Variants in MMP8 observed in about 807,000 individuals in gnomAD.
MMP8 encodes the protein matrix metallopeptidase 8, also known as neutrophil collagenase.
In MMP8, 67 loss-of-function variants were observed where a neutral mutation model predicts 51.2. The ratio of observed to expected loss-of-function variants is 1.31; its 90% CI spans 1.08 to 1.60. The LOEUF is 1.60. MMP8 is among the 40% of genes most tolerant of loss of function. MMP8 has a pLI of 0.00. For missense variants in MMP8, 654 were observed against 558.1 expected, an observed-to-expected ratio of 1.17 and a Z score of -1.73; for synonymous variants, 225 against 191.0, an observed-to-expected ratio of 1.18 and a Z score of -1.47.
intron 7 of MMP8, 86 bp downstream of exon 7, chr11:102,715,218 A>C (rs1166873739): frequency 1.4e-6 from 2 of 1,480,136 alleles, no homozygotes; most frequent in African/African-American, 2.8e-5. Context: ...TCATTAGCTC[A>C]CCATGAACCT....
At chr11:102,713,715 A>G in intron 9 of MMP8, 39 bp downstream of exon 9, 1 of 1,514,834 alleles carries the variant, frequency 6.6e-7, no homozygotes. Flanking sequence ...TAATAAACAA[A>G]CAAACAACAC....
At chr11:102,719,867 G>T (rs1200678248) in intron 4 of MMP8, among the ~76,000 whole-genome samples, 1 of 152,206 alleles carries the variant, frequency 6.6e-6, no homozygotes, top group African/African-American at 2.4e-5. Flanking sequence ...CAGAGAAGGA[G>T]ATACAAAAGC....
At position 102,718,397 on chromosome 11, in the gene MMP8, T is replaced by C; in HGVS notation, c.784+17A>G. 1 of 1,602,894 alleles carries C rather than the reference T, an allele frequency of 6.2e-7. No homozygotes were observed. Among genetic ancestry groups the C allele is most frequent in the East Asian group, 2.2e-5 (1 of 44,550 alleles). On this transcript the variant is annotated intron_variant, in intron 5 of 9. Transcript: ENST00000236826. ...CAGGTCCTACCATGTACTATGACTCTCTTGAGAAGACCTTACCATAGATGG... is the reference window on the plus strand; with the variant it reads ...CAGGTCCTACCATGTACTATGACTCCCTTGAGAAGACCTTACCATAGATGG...
In MMP8 at chr11:102,713,394, G is replaced by T; in HGVS notation, c.1358C>A (p.Thr453Asn). 3 of 1,613,620 alleles carry T rather than the reference G, an allele frequency of 1.9e-6. No homozygotes were observed. Among genetic ancestry groups the T allele is most frequent in the Non-Finnish European group, 2.5e-6 (3 of 1,179,684 alleles). The change falls in exon 10 of 10, where the codon ACC (threonine) becomes AAC (asparagine). Residue 453 changes from threonine to asparagine, a missense_variant. By Grantham distance (65) the Thr-to-Asn change is moderately conservative. Transcript: ENST00000236826. Reference sequence around the variant, plus strand: ...CCATTTATTGCCTCTTGCAACTCTGGTAACTCTCTGAGCAATAAGATCAAA... The same window carrying T: ...CCATTTATTGCCTCTTGCAACTCTGTTAACTCTCTGAGCAATAAGATCAAA... ...YAFDLIAQRV[T>N]RVARGNKWLN...
At chr11:102,720,087 G>T (rs1006941695) in intron 4 of MMP8, among the ~76,000 whole-genome samples, 1 of 152,206 alleles carries the variant, frequency 6.6e-6, no homozygotes, top group Non-Finnish European at 1.5e-5. Flanking sequence ...AATGTACAAT[G>T]TGGGTGTTAG....
intron 8 of MMP8, 146 bp from the exon 9 acceptor site, chr11:102,714,003 T>C: frequency 1.8e-6 from 1 of 540,698 alleles, no homozygotes; most frequent in Non-Finnish European, 3.2e-6. Flanking sequence ...GGATTAAGAA[T>C]GGTTAATTTC....
Position 102,721,618 on chromosome 11 carries a change from T to C in MMP8, c.492A>G (p.Gln164=), listed in dbSNP as rs763567522. 29 of 1,613,656 alleles carry C rather than the reference T, an allele frequency of 1.8e-5. No individual in the cohort carries two copies. Among genetic ancestry groups the C allele is most frequent in the Middle Eastern group, 1.6e-4 (1 of 6,082 alleles). Residue 164 remains glutamine (Q), a synonymous_variant, in exon 3 of 10, where the codon CAA becomes CAG. Coordinates refer to ENST00000236826, the MANE Select transcript of MMP8 (RefSeq NM_002424.3). ...GEADINIAFY[Q]RDHGDNSPFD... is the part of the protein sequence containing the mutation. ...GCATGACTGCTTTGTACCTACCTCT[T>C]TGGTAAAAAGCAATGTTGATATCTG...
intron 4 of MMP8, 52 bp downstream of exon 4, chr11:102,721,349 T>C: frequency 6.3e-7 from 1 of 1,599,086 alleles, no homozygotes; most frequent in South Asian, 1.1e-5. Flanking sequence ...TATTCTAATC[T>C]GTAAAAGGTT....
At chr11:102,720,688 C>T (rs977588588) in intron 4 of MMP8, among the ~76,000 whole-genome samples, 2 of 152,174 alleles carry the variant, frequency 1.3e-5, no homozygotes, top group South Asian at 2.1e-4. Flanking sequence ...GGAGCCTTCT[C>T]CTGAAAGGAG....
At chr11:102,721,859 G>T in intron 2 of MMP8, 97 bp from the exon 3 acceptor site, 1 of 1,394,814 alleles carries the variant, frequency 7.2e-7, no homozygotes, top group Non-Finnish European at 9.8e-7. Context: ...TTGCATCATG[G>T]TGTGCTACCA....
intron 4 of MMP8, among the ~76,000 whole-genome samples, chr11:102,720,549 T>C (rs1034611114): frequency 6.6e-6 from 1 of 152,180 alleles, no homozygotes; most frequent in Non-Finnish European, 1.5e-5. Context: ...AAAAGGTGCC[T>C]TTCTGATTAT....
Position 102,712,182 on chromosome 11 carries a change from G to C in MMP8, c.*1166C>G, listed in dbSNP as rs1193651803. ...TTATCTATAGTGTGTGCCCTCCTGA[G>C]TACCCCAGGAAATAGAAGTAAAGAA... On this transcript the variant is annotated 3_prime_UTR_variant, in exon 10 of 10. Coordinates refer to ENST00000236826, the MANE Select transcript of MMP8 (RefSeq NM_002424.3). 1 of 152,130 alleles carries C rather than the reference G, an allele frequency of 6.6e-6. No individual in the cohort carries two copies. Among genetic ancestry groups the C allele is most frequent in the Non-Finnish European group, 1.5e-5 (1 of 68,026 alleles). The allele number at this position is 152,130 out of a possible 1,614,324, so 9.4% of individuals were successfully genotyped here.
intron 1 of MMP8, chr11:102,723,612 A>T (rs1861538187): frequency 2.4e-6 from 1 of 412,156 alleles, no homozygotes; most frequent in Non-Finnish European, 4.8e-6. Flanking sequence ...CAAAACACAA[A>T]GGGCAGCCCC....
Position 102,721,544 on chromosome 11 carries a change from G to A in MMP8, c.497-18C>T. 2 of 1,613,686 alleles carry A rather than the reference G, an allele frequency of 1.2e-6. No individual in the cohort carries two copies. Among genetic ancestry groups the A allele is most frequent in the African/African-American group, 1.3e-5 (1 of 75,014 alleles). Reference sequence around the variant, plus strand: ...ACCGTGATCTGAAATAAGAACATTTGTATTAGATCCTTGCCAAGTTTCAGG... The same window carrying A: ...ACCGTGATCTGAAATAAGAACATTTATATTAGATCCTTGCCAAGTTTCAGG... On this transcript the variant is annotated intron_variant, in intron 3 of 9. Coordinates refer to ENST00000236826, the MANE Select transcript of MMP8 (RefSeq NM_002424.3).
At chr11:102,720,101 G>A (rs556500665) in intron 4 of MMP8, among the ~76,000 whole-genome samples, 1 of 152,198 alleles carries the variant, frequency 6.6e-6, no homozygotes, top group Non-Finnish European at 1.5e-5. Context: ...GTGTTAGCCC[G>A]ATGTGAATGG....
intron 4 of MMP8, among the ~76,000 whole-genome samples, chr11:102,719,453 T>G (rs1861406861): frequency 6.6e-6 from 1 of 152,214 alleles, no homozygotes; most frequent in African/African-American, 2.4e-5. Context: ...TGTTATGCAA[T>G]CCTCATAACA....
intron 4 of MMP8, among the ~76,000 whole-genome samples, chr11:102,720,279 C>T (rs1306640161): frequency 6.6e-6 from 1 of 152,070 alleles, no homozygotes; most frequent in Non-Finnish European, 1.5e-5. Flanking sequence ...AAAAACAAAC[C>T]CTGCTGCAAT....
At chr11:102,714,440 G>T in intron 8 of MMP8, 116 bp downstream of exon 8, 1 of 624,196 alleles carries the variant, frequency 1.6e-6, no homozygotes, top group Non-Finnish European at 2.4e-6. Flanking sequence ...TATATTCTCG[G>T]TAAAACCTAT....
At chr11:102,721,109 A>G (rs1861454929) in intron 4 of MMP8, among the ~76,000 whole-genome samples, 1 of 152,196 alleles carries the variant, frequency 6.6e-6, no homozygotes, top group South Asian at 2.1e-4. Flanking sequence ...TGTTTCAATA[A>G]AACTTTATTT....
Sources: gnomAD v4.1 joint callset for allele counts (sites outside exome capture counted in the v4.1 genomes callset) on GRCh38, gnomAD v4.1.1 for gene constraint, MANE v1.5 for transcripts, NCBI Gene and HGNC (gene_info 2026-07-23, HGNC 2026-07-21) for gene names.